Variants in DOK5 observed in about 807,000 individuals in gnomAD.
The protein encoded by DOK5 is downstream of tyrosine kinase 5.
Under a neutral mutation model 43.3 loss-of-function variants are expected in DOK5, and 27 were observed. That is an observed-to-expected ratio of 0.62 (90% confidence interval 0.46 to 0.86). The LOEUF is 0.86. Among genes scored for constraint, DOK5 ranks in the 40% least tolerant of loss-of-function variants. DOK5 has a pLI of 0.00. For synonymous variants in DOK5, 146 were observed against 140.1 expected, an observed-to-expected ratio of 1.04 and a Z score of -0.30; for missense variants, 373 against 392.9, an observed-to-expected ratio of 0.95 and a Z score of 0.43.
rs145066620 is a variant in DOK5, at chr20:54,491,091, A to C, written c.66+15079A>C. Among the ~76,000 whole-genome samples the C allele has an allele frequency of 6.1e-4, 93 of 152,374 alleles. 1 individual carries two copies. In the East Asian group the frequency reaches 0.017, roughly 28 times the overall value. ...CATCCAATCTTAGGTGGTCTCCTTC[A>C]GGTATTCTCTGTCTCACTCCTTTTT... On this transcript the variant is annotated intron_variant, in intron 1 of 7. Coordinates refer to ENST00000262593, the MANE Select transcript of DOK5 (RefSeq NM_018431.5).
intron 5 of DOK5, among the ~76,000 whole-genome samples, chr20:54,602,315 T>G (rs948951541): frequency 6.6e-6 from 1 of 152,176 alleles, no homozygotes; most frequent in Non-Finnish European, 1.5e-5. Context: ...AAGGCACTTG[T>G]CCAGGGTCGT....
At chr20:54,502,447 A>G (rs1008843584) in intron 1 of DOK5, among the ~76,000 whole-genome samples, 3 of 152,174 alleles carry the variant, frequency 2.0e-5, no homozygotes, top group Admixed American at 2.0e-4. Flanking sequence ...TAAAAATTTT[A>G]CAGTCATTCA....
At position 54,566,518 on chromosome 20, in the gene DOK5, C is replaced by T. The variant is rs1305591102; in HGVS notation, c.174+11478C>T. 2.6e-5 allele frequency among the ~76,000 whole-genome samples: 4 copies of T among 152,312 alleles called. No individual in the cohort carries two copies. In the East Asian group the frequency reaches 7.7e-4, roughly 29 times the overall value. On this transcript the variant is annotated intron_variant, in intron 2 of 7. Transcript: ENST00000262593. Reference sequence around the variant, plus strand: ...GCTGTCCAACTGTGTTCCAGAGGGACTCTACCATTTTACAGTCCCATGAGC... The same window carrying T: ...GCTGTCCAACTGTGTTCCAGAGGGATTCTACCATTTTACAGTCCCATGAGC...
intron 5 of DOK5, 147 bp downstream of exon 5, chr20:54,591,952 T>A: frequency 1.6e-6 from 1 of 635,332 alleles, no homozygotes; most frequent in Non-Finnish European, 2.6e-6. Context: ...TGCGATTACA[T>A]AATATGAGGG....
chr20:54,583,364 T>C (rs777723953), intron 2 of DOK5, among the ~76,000 whole-genome samples: 22 of 152,216 alleles, frequency 1.4e-4, no homozygotes, highest in Non-Finnish European at 2.5e-4. Context: ...TGTATTCTGC[T>C]GCTATTGACT....
chr20:54,624,529 C>T (rs73913637), intron 6 of DOK5, among the ~76,000 whole-genome samples: 1,534 of 152,184 alleles, frequency 0.01, 24 homozygotes, highest in African/African-American at 0.035. Flanking sequence ...AAAGAAAAAT[C>T]GAAGCCAAAA....
chr20:54,610,548 G>C, intron 6 of DOK5, 25 bp downstream of exon 6: 2 of 1,439,048 alleles, frequency 1.4e-6, no homozygotes, highest in Non-Finnish European at 1.8e-6. Context: ...TCTTCCTCGT[G>C]TCCCAGTGCC....
At chr20:54,620,560 G>A (rs1986946854) in intron 6 of DOK5, among the ~76,000 whole-genome samples, 1 of 152,136 alleles carries the variant, frequency 6.6e-6, no homozygotes, top group African/African-American at 2.4e-5. Flanking sequence ...CTTTAAAGGA[G>A]CTTACCATTT....
chr20:54,543,599 AAG>A (rs201990040), intron 1 of DOK5, among the ~76,000 whole-genome samples: 1 of 147,496 alleles, frequency 6.8e-6, no homozygotes, highest in Non-Finnish European at 1.5e-5. Flanking sequence ...GAGAGAAAGA[AAG>A]AGAGAGAGGA....
chr20:54,534,519 A>G (rs963594625), intron 1 of DOK5, among the ~76,000 whole-genome samples: 4 of 152,144 alleles, frequency 2.6e-5, no homozygotes, highest in African/African-American at 9.7e-5. Flanking sequence ...TAGCTGTGTT[A>G]CCTTGATCAC....
chr20:54,650,064 C>T (rs576907055), intron 7 of DOK5, among the ~76,000 whole-genome samples: 364 of 152,296 alleles, frequency 2.4e-3, no homozygotes, highest in Middle Eastern at 0.017. Context: ...CATAAGACTG[C>T]CTTATTGCTG....
Position 54,567,113 on chromosome 20 carries a change from G to A in DOK5, c.174+12073G>A, listed in dbSNP as rs374301821. On this transcript the variant is annotated intron_variant, in intron 2 of 7. Transcript: ENST00000262593. ...TGTGTCAGATTGTGCTGGAAAATATGTTCTCCCAGTGCATAGATTTTTCTT... is the reference window on the plus strand; with the variant it reads ...TGTGTCAGATTGTGCTGGAAAATATATTCTCCCAGTGCATAGATTTTTCTT... 2.0e-4 allele frequency among the ~76,000 whole-genome samples: 31 copies of A among 151,972 alleles called. No homozygotes were observed. In the South Asian group the frequency reaches 6.0e-3, roughly 30 times the overall value.
intron 4 of DOK5, among the ~76,000 whole-genome samples, chr20:54,589,090 A>C (rs914161392): frequency 1.3e-5 from 2 of 152,166 alleles, no homozygotes; most frequent in African/African-American, 4.8e-5. Flanking sequence ...CTCATCTCAG[A>C]TTATTTATTG....
intron 1 of DOK5, among the ~76,000 whole-genome samples, chr20:54,480,991 C>CTATCATCTATCATCTATCT (rs1555822341): frequency 2.1e-5 from 3 of 143,268 alleles, no homozygotes; most frequent in African/African-American, 8.6e-5. Context: ...TATCATCTAT[C>CTATCATCTATCATCTATCT]ATCTATCTAT....
chr20:54,603,032 T>C (rs1051453829), intron 5 of DOK5, among the ~76,000 whole-genome samples: 1 of 152,226 alleles, frequency 6.6e-6, no homozygotes, highest in Non-Finnish European at 1.5e-5. Context: ...TTGCTATTGA[T>C]GTGATGATTC....
intron 6 of DOK5, among the ~76,000 whole-genome samples, chr20:54,626,716 T>A (rs1258903247): frequency 6.6e-6 from 1 of 152,144 alleles, no homozygotes; most frequent in African/African-American, 2.4e-5. Context: ...AAGATGGGTG[T>A]CGTGATGCAA....
intron 1 of DOK5, among the ~76,000 whole-genome samples, chr20:54,476,402 G>A (rs1487920658): frequency 6.6e-6 from 1 of 152,162 alleles, no homozygotes; most frequent in Non-Finnish European, 1.5e-5. Flanking sequence ...TCCGGGGGAT[G>A]GATCGGCTGG....
intron 1 of DOK5, among the ~76,000 whole-genome samples, chr20:54,511,013 A>G (rs1234851290): frequency 6.6e-6 from 1 of 152,192 alleles, no homozygotes; most frequent in Non-Finnish European, 1.5e-5. Flanking sequence ...AATAGCTACC[A>G]TTTATTATTT....
At chr20:54,624,453 AG>A (rs1987077397) in intron 6 of DOK5, among the ~76,000 whole-genome samples, 1 of 152,220 alleles carries the variant, frequency 6.6e-6, no homozygotes, top group Non-Finnish European at 1.5e-5. Context: ...GGTCTGGCAC[AG>A]GGCTTAAAGG....
Sources: allele counts gnomAD v4.1 joint callset (sites outside exome capture counted in the v4.1 genomes callset), GRCh38; gene constraint gnomAD v4.1.1; transcripts MANE v1.5; gene names NCBI Gene and HGNC (gene_info 2026-07-23, HGNC 2026-07-21).